The following DIP2C variants were observed in gnomAD, a reference collection of about 807,000 sequenced individuals.
The protein encoded by DIP2C is DIP2 acetate--CoA ligase C (putative).
DIP2C carries 33 observed loss-of-function variants against 192.4 expected under a neutral mutation model. The observed-to-expected ratio is 0.17, with a 90% confidence interval of 0.13 to 0.23. The LOEUF (loss-of-function observed/expected upper bound fraction) is 0.23. Among genes scored for constraint, DIP2C ranks in the 10% least tolerant of loss-of-function variants. DIP2C has a pLI of 1.00. For synonymous variants in DIP2C, 979 were observed against 864.1 expected, an observed-to-expected ratio of 1.13 and a Z score of -2.33; for missense variants, 1,537 against 2,110.1, an observed-to-expected ratio of 0.73 and a Z score of 5.32.
intron 1 of DIP2C, among the ~76,000 whole-genome samples, chr10:559,530 T>C (rs1213126611): frequency 6.6e-6 from 1 of 152,202 alleles, no homozygotes; most frequent in Non-Finnish European, 1.5e-5. Context: ...CAACTATATA[T>C]GGCTGCTGAC....
intron 3 of DIP2C, among the ~76,000 whole-genome samples, chr10:471,900 C>T (rs1047447423): frequency 1.3e-5 from 2 of 152,042 alleles, no homozygotes; most frequent in Non-Finnish European, 2.9e-5. Context: ...CTACAGGTGC[C>T]CACCACCACG....
At chr10:599,803 G>T (rs927882303) in intron 1 of DIP2C, among the ~76,000 whole-genome samples, 8 of 152,180 alleles carry the variant, frequency 5.3e-5, no homozygotes, top group Admixed American at 2.0e-4. Context: ...GAGAGGGGAC[G>T]AGCTGTGTTT....
intron 1 of DIP2C, among the ~76,000 whole-genome samples, chr10:589,453 T>C (rs1443920825): frequency 6.6e-6 from 1 of 152,252 alleles, no homozygotes; most frequent in East Asian, 1.9e-4. Context: ...ACAGGTTTTC[T>C]AGTTTGGCAT....
intron 30 of DIP2C, among the ~76,000 whole-genome samples, chr10:328,598 A>AAATAC (rs10626677): frequency 0.99 from 150,066 of 152,284 alleles, 73,977 homozygotes; most frequent in Middle Eastern, 1. Flanking sequence ...TTTCCTATAT[A>AAATAC]AAAACTTAAA....
At chr10:627,488 G>A (rs1450676765) in intron 1 of DIP2C, among the ~76,000 whole-genome samples, 3 of 152,204 alleles carry the variant, frequency 2.0e-5, no homozygotes, top group African/African-American at 4.8e-5. Flanking sequence ...ACATCCAGCC[G>A]CCGGTTCTCA....
intron 6 of DIP2C, among the ~76,000 whole-genome samples, chr10:416,430 C>T (rs961056506): frequency 2.6e-4 from 39 of 152,310 alleles, no homozygotes; most frequent in African/African-American, 7.7e-4. Flanking sequence ...AGCACCACCA[C>T]GCCCAAGCCC....
chr10:583,237 G>A (rs12255922), intron 1 of DIP2C, among the ~76,000 whole-genome samples: 7,308 of 140,582 alleles, frequency 0.052, 223 homozygotes, highest in African/African-American at 0.084. Flanking sequence ...AAAAGCCAAG[G>A]GGCATGCAAA....
rs544437774 is a variant in DIP2C at position 556,470 on chromosome 10, A to C, written c.86-69940T>G. Among the ~76,000 whole-genome samples the C allele has an allele frequency of 7.4e-5, 11 of 147,804 alleles. 1 individual carries two copies. Among genetic ancestry groups the C allele is most frequent in the African/African-American group, 2.3e-4 (9 of 39,604 alleles). ...CCACACCTTCCCAAGAGGGGGATCC[A>C]CACGCCCTGGCAGCGGCCACCTGAC... On this transcript the variant is annotated intron_variant, in intron 1 of 36. Coordinates refer to ENST00000280886, the MANE Select transcript of DIP2C (RefSeq NM_014974.3).
chr10:485,354 C>G (rs1002740949), intron 2 of DIP2C, among the ~76,000 whole-genome samples: 5 of 152,200 alleles, frequency 3.3e-5, no homozygotes, highest in African/African-American at 1.2e-4. Context: ...ATCAGGGGAT[C>G]TACCCAGCAC....
intron 3 of DIP2C, among the ~76,000 whole-genome samples, chr10:449,099 G>A (rs970543281): frequency 1.6e-4 from 24 of 151,700 alleles, no homozygotes; most frequent in Admixed American, 6.6e-4. Flanking sequence ...CACACAGTGC[G>A]GCAGCAGGAC....
chr10:616,722 CTG>C (rs1443615847), intron 1 of DIP2C, among the ~76,000 whole-genome samples: 2 of 152,210 alleles, frequency 1.3e-5, no homozygotes, highest in South Asian at 4.1e-4. Flanking sequence ...CCCAGCAACC[CTG>C]TGTACCTTCC....
chr10:507,457 G>A (rs938548435), intron 1 of DIP2C, among the ~76,000 whole-genome samples: 21 of 151,356 alleles, frequency 1.4e-4, no homozygotes, highest in Non-Finnish European at 2.1e-4. Context: ...GCACAGAGGC[G>A]TGAGGTTACG....
In DIP2C at chr10:364,361, G is replaced by C; in HGVS notation, c.2477+13C>G. ...CCGGAAACCATATGCTTGATTTGCA[G>C]AACGCCACTGACCTTCCCCGGTAGA... On this transcript the variant is annotated intron_variant, in intron 20 of 36. Transcript: ENST00000280886. 2 of 1,600,962 alleles carry C rather than the reference G, an allele frequency of 1.2e-6. No homozygotes were observed. The highest frequency in any genetic ancestry group is 2.2e-5 in the South Asian group (2 of 90,790).
intron 1 of DIP2C, among the ~76,000 whole-genome samples, chr10:588,996 C>T (rs992220102): frequency 1.3e-5 from 2 of 152,206 alleles, no homozygotes; most frequent in Admixed American, 6.5e-5. Flanking sequence ...CTCACCACCA[C>T]CTGGTGCTGA....
At chr10:612,726 C>T (rs1164280877) in intron 1 of DIP2C, among the ~76,000 whole-genome samples, 5 of 152,048 alleles carry the variant, frequency 3.3e-5, no homozygotes, top group Non-Finnish European at 7.4e-5. Context: ...AGCTCTGTGG[C>T]CCAATTTACA....
intron 31 of DIP2C, among the ~76,000 whole-genome samples, chr10:313,435 G>A (rs190269729): frequency 1.9e-4 from 29 of 152,140 alleles, no homozygotes; most frequent in African/African-American, 4.1e-4. Flanking sequence ...TGTGAGTTTC[G>A]CATGTTTAGA....
chr10:499,987 T>TA (rs1205807027), intron 1 of DIP2C, among the ~76,000 whole-genome samples: 1 of 152,166 alleles, frequency 6.6e-6, no homozygotes, highest in Non-Finnish European at 1.5e-5. Flanking sequence ...GCCCCAACCC[T>TA]AAGCCCAGCT....
At chr10:479,610 A>G (rs954023773) in intron 2 of DIP2C, among the ~76,000 whole-genome samples, 5 of 152,164 alleles carry the variant, frequency 3.3e-5, no homozygotes, top group African/African-American at 1.2e-4. Context: ...CTGGAATTAT[A>G]GGCATGAGCC....
chr10:399,743 A>T (rs1964269321), intron 9 of DIP2C, among the ~76,000 whole-genome samples: 1 of 152,230 alleles, frequency 6.6e-6, no homozygotes. Flanking sequence ...GAGAATGCAC[A>T]TAGAGAACTC....
Sources: allele counts gnomAD v4.1 joint callset (sites outside exome capture counted in the v4.1 genomes callset), GRCh38; gene constraint gnomAD v4.1.1; transcripts MANE v1.5; gene names NCBI Gene and HGNC (gene_info 2026-07-23, HGNC 2026-07-21).